Variants in CGREF1 observed in about 807,000 individuals in gnomAD.
CGREF1 encodes the protein cell growth regulator with EF hand domain protein 1.
A neutral mutation model predicts 17.4 loss-of-function variants in CGREF1; 16 were observed. The ratio of observed to expected loss-of-function variants is 0.92; its 90% confidence interval spans 0.62 to 1.40. CGREF1 has a LOEUF of 1.40. Ranked by LOEUF, CGREF1 falls within the 40% of genes most tolerant of loss-of-function variation. The probability of loss-of-function intolerance (pLI) is 0.00; values close to 1 mark genes in which losing one functional copy is unlikely to be tolerated. For missense variants in CGREF1, 296 were observed against 376.4 expected (o/e 0.79, Z 1.77); for synonymous variants, 142 against 154.6 (o/e 0.92, Z 0.61).
At chr2:27,118,442 G>GAGCT (rs1281854864) in intron 1 of CGREF1, among the ~76,000 whole-genome samples, 3 of 152,172 alleles carry the variant, frequency 2.0e-5, no homozygotes, top group Non-Finnish European at 4.4e-5. Context: ...CCACACCCGG[G>GAGCT]AGCTGGTCCC....
intron 1 of CGREF1, among the ~76,000 whole-genome samples, chr2:27,109,882 T>G (rs1263175094): frequency 4.2e-5 from 1 of 23,852 alleles, no homozygotes; most frequent in Non-Finnish European, 7.6e-5. Context: ...GAAGACTCCG[T>G]CTCAAAAAAA....
chr2:27,109,885 CAAAAAAA>C (rs55824603), intron 1 of CGREF1, among the ~76,000 whole-genome samples: 13 of 65,818 alleles, frequency 2.0e-4, no homozygotes, highest in African/African-American at 1.1e-3. Context: ...GACTCCGTCT[CAAAAAAA>C]AAAAAAAAAA....
intron 5 of CGREF1, 43 bp from the exon 6 acceptor site, chr2:27,101,931 G>A (rs1196530361): frequency 6.3e-7 from 1 of 1,594,858 alleles, no homozygotes; most frequent in Non-Finnish European, 8.5e-7. Context: ...GGACAGAGAT[G>A]TTCCCAGGAG....
At chr2:27,104,461 A>G in intron 1 of CGREF1, 84 bp from the exon 2 acceptor site, 4 of 1,564,346 alleles carry the variant, frequency 2.6e-6, no homozygotes, top group Non-Finnish European at 3.5e-6. Context: ...ACACAAGCGC[A>G]TTTTCTGCCT....
At chr2:27,104,758 A>C (rs937975204) in intron 1 of CGREF1, 20 of 1,489,348 alleles carry the variant, frequency 1.3e-5, no homozygotes, top group Non-Finnish European at 1.5e-5. Flanking sequence ...GAGCGCAGAA[A>C]GTTTAAGAAA....
At chr2:27,102,067 A>G (rs1435147604) in intron 5 of CGREF1, 30 bp downstream of exon 5, 2 of 1,588,462 alleles carry the variant, frequency 1.3e-6, no homozygotes, top group Non-Finnish European at 1.7e-6. Context: ...GGTCTCCTTT[A>G]TGCGGGGATC....
chr2:27,101,809 TTGA>T lies in CGREF1; in HGVS notation c.419_421del (p.Ile140del). On this transcript the variant is annotated inframe_deletion, in exon 6 of 6. Transcript: ENST00000402394. The stretch of plus-strand genomic sequence containing the variant: ...GTGCCTGAGGGCTACTCCCGGGAAG[TTGA>T]TGAGCTCAGCAGGGGTCATGAGCCC... 1.2e-6 allele frequency: 2 copies of T among 1,614,196 alleles called. No individual in the cohort carries two copies. The highest frequency in any genetic ancestry group is 1.7e-6 in the Non-Finnish European group (2 of 1,180,036).
chr2:27,100,548 A>G, downstream of CGREF1: 1 of 1,290,466 alleles, frequency 7.7e-7, no homozygotes, highest in Non-Finnish European at 1.0e-6. Flanking sequence ...AAGGCCTTAT[A>G]ATGTAAAGAG....
intron 1 of CGREF1, among the ~76,000 whole-genome samples, chr2:27,106,199 G>A (rs1203810515): frequency 1.3e-5 from 2 of 152,170 alleles, no homozygotes; most frequent in African/African-American, 4.8e-5. Flanking sequence ...CCACAAAGCT[G>A]GATAAAAATA....
In CGREF1 at chr2:27,100,760, G is replaced by A; in HGVS notation, c.*514C>T. 4 of 1,132,556 alleles carry A rather than the reference G, an allele frequency of 3.5e-6. No individual in the cohort carries two copies. The highest frequency in any genetic ancestry group is 3.3e-6 in the Non-Finnish European group (3 of 909,882). 70.2% of individuals were successfully genotyped at this position (1,132,556 alleles called of 1,614,324 possible). Reference sequence around the variant, plus strand: ...AAATGCCCAGCATGATGCCTGATGTGTACAAGGCTCTCAAAAAGTTCTAGT... The same window carrying A: ...AAATGCCCAGCATGATGCCTGATGTATACAAGGCTCTCAAAAAGTTCTAGT... On this transcript the variant is annotated 3_prime_UTR_variant, in exon 6 of 6. Coordinates refer to ENST00000402394, the MANE Select transcript of CGREF1 (RefSeq NM_006569.6).
chr2:27,104,828 AG>A, intron 1 of CGREF1: 1 of 1,438,348 alleles, frequency 7.0e-7, no homozygotes, highest in Non-Finnish European at 9.2e-7. Flanking sequence ...ACAGGCAAAA[AG>A]AGAAATGGAC....
chr2:27,110,585 T>C (rs887363448), intron 1 of CGREF1: 1 of 151,640 alleles, frequency 6.6e-6, no homozygotes, highest in African/African-American at 2.4e-5. Context: ...AAAATATATA[T>C]ATACAAAGAA....
chr2:27,105,870 A>T (rs181048519), intron 1 of CGREF1, among the ~76,000 whole-genome samples: 1 of 152,208 alleles, frequency 6.6e-6, no homozygotes, highest in East Asian at 1.9e-4. Context: ...CTATGCATAC[A>T]ACTGGCCCAA....
intron 2 of CGREF1, among the ~76,000 whole-genome samples, chr2:27,103,930 C>A (rs923069196): frequency 2.6e-5 from 4 of 152,164 alleles, no homozygotes; most frequent in Non-Finnish European, 5.9e-5. Context: ...TCGCAGTGAG[C>A]TGAGATCATG....
At chr2:27,114,440 C>A (rs1282969769) in intron 1 of CGREF1, among the ~76,000 whole-genome samples, 1 of 152,236 alleles carries the variant, frequency 6.6e-6, no homozygotes, top group Non-Finnish European at 1.5e-5. Context: ...CCTGTCTACA[C>A]ATTCTTTGAC....
chr2:27,102,505 C>A (rs569539557), intron 3 of CGREF1, 21 bp downstream of exon 3: 3 of 1,613,668 alleles, frequency 1.9e-6, no homozygotes, highest in African/African-American at 1.3e-5. Context: ...CCTGAAAGCA[C>A]CCCCGGCCCA....
chr2:27,102,251 G>GGTGCC (rs1194931815), intron 4 of CGREF1, 30 bp from the exon 5 acceptor site: 3 of 1,610,918 alleles, frequency 1.9e-6, no homozygotes, highest in African/African-American at 1.3e-5. Context: ...GATTAGAAGA[G>GGTGCC]GTGCCGGGGG....
rs142238031 is a variant in CGREF1 at position 27,106,522 on chromosome 2, A to C, written c.-11-2145T>G. 7.1e-3 allele frequency among the ~76,000 whole-genome samples: 1,075 copies of C among 152,260 alleles called. 11 individuals carry two copies. Among genetic ancestry groups the C allele is most frequent in the African/African-American group, 0.025 (1,023 of 41,558 alleles). On this transcript the variant is annotated intron_variant, in intron 1 of 5. Transcript: ENST00000402394. ...TTGTCATGAAGAAGGGCAGCAAAGA[A>C]TTTTGCCTTTCTTGATTTTGGTGCT...
intron 1 of CGREF1, among the ~76,000 whole-genome samples, chr2:27,107,638 A>T: frequency 1.4e-5 from 2 of 145,282 alleles, no homozygotes; most frequent in East Asian, 2.0e-4. Flanking sequence ...GTATGTTTTA[A>T]AAAAAAAAAA....
Sources: allele counts gnomAD v4.1 joint callset (sites outside exome capture counted in the v4.1 genomes callset), GRCh38; gene constraint gnomAD v4.1.1; transcripts MANE v1.5; gene names NCBI Gene and HGNC (gene_info 2026-07-23, HGNC 2026-07-21).